The following JAZF1 variants were observed in gnomAD, a reference collection of about 807,000 sequenced individuals.
JAZF1 encodes the protein juxtaposed with another zinc finger protein 1.
Under a neutral mutation model 26.4 loss-of-function variants are expected in JAZF1, and 8 were observed. That is an observed-to-expected ratio of 0.30 (90% CI 0.18 to 0.55). The LOEUF (loss-of-function observed/expected upper bound fraction) is 0.55, where lower values mean the gene tolerates loss of function less well. JAZF1 is among the 20% of genes least tolerant of loss of function. JAZF1 has a pLI of 0.94. For synonymous variants in JAZF1, 126 were observed against 122.3 expected, an observed-to-expected ratio of 1.03 and a Z score of -0.20; for missense variants, 199 against 322.0, an observed-to-expected ratio of 0.62 and a Z score of 2.92.
chr7:28,072,119 A>C (rs983064722), intron 1 of JAZF1, among the ~76,000 whole-genome samples: 3 of 152,240 alleles, frequency 2.0e-5, no homozygotes, highest in African/African-American at 7.2e-5. Flanking sequence ...GCTTGCATAA[A>C]TTGGATCTCA....
intron 1 of JAZF1, among the ~76,000 whole-genome samples, chr7:28,170,337 ATGTGTGTGTGTGTGTGTGTGTGTGTG>A (rs61200785): frequency 0.019 from 1,913 of 98,550 alleles, 20 homozygotes; most frequent in Non-Finnish European, 0.029. Flanking sequence ...AGAAGTTGAT[ATGTGTGTGTGTGTGTGTGTGTGTGTG>A]TGTGTGTGTG....
At chr7:27,841,041 AAGCAGG>A in intron 3 of JAZF1, 174 bp from the exon 4 acceptor site, 1 of 610,316 alleles carries the variant, frequency 1.6e-6, no homozygotes, top group South Asian at 2.1e-5. Context: ...ACAACCCTGG[AAGCAGG>A]AGCCCTGCGT....
chr7:28,003,626 A>G (rs1782643879), intron 1 of JAZF1, among the ~76,000 whole-genome samples: 1 of 152,228 alleles, frequency 6.6e-6, no homozygotes, highest in Non-Finnish European at 1.5e-5. Flanking sequence ...AGTGGGGCTC[A>G]GTCTGAATAT....
intron 1 of JAZF1, among the ~76,000 whole-genome samples, chr7:28,035,798 C>G (rs1168827034): frequency 6.6e-6 from 1 of 152,134 alleles, no homozygotes; most frequent in Non-Finnish European, 1.5e-5. Flanking sequence ...AAGCTTTCAA[C>G]CATTGTCCTG....
chr7:27,873,182 C>T (rs929901530), intron 3 of JAZF1, among the ~76,000 whole-genome samples: 6 of 152,130 alleles, frequency 3.9e-5, no homozygotes, highest in South Asian at 4.1e-4. Context: ...AATCTATTTC[C>T]GACAAGGTCT....
chr7:27,959,363 T>C (rs1240674903), intron 2 of JAZF1, among the ~76,000 whole-genome samples: 1 of 152,238 alleles, frequency 6.6e-6, no homozygotes, highest in Non-Finnish European at 1.5e-5. Context: ...TTTTCCTCCA[T>C]GAAACTTCTC....
rs370936355 is a variant in JAZF1, at chr7:28,143,833, C to G, written c.115+36630G>C. Reference sequence around the variant, plus strand: ...TTACATATAAGCTCCTCCTTATATACCGTAAGCCAGGTCATGTTTATTATT... The same window carrying G: ...TTACATATAAGCTCCTCCTTATATAGCGTAAGCCAGGTCATGTTTATTATT... On this transcript the variant is annotated intron_variant, in intron 1 of 4. Transcript: ENST00000283928. 7.2e-5 allele frequency among the ~76,000 whole-genome samples: 11 copies of G among 152,308 alleles called. No individual in the cohort carries two copies. The East Asian group carries it at 1.5e-3, about 21-fold the overall frequency.
rs375075659 is a variant in JAZF1 at position 28,016,276 on chromosome 7, T to C, written c.116-24295A>G. Among the ~76,000 whole-genome samples, 23 of 152,240 alleles carry C rather than the reference T, an allele frequency of 1.5e-4. No homozygotes were observed. The East Asian group carries it at 3.5e-3, about 23-fold the overall frequency. On this transcript the variant is annotated intron_variant, in intron 1 of 4. Transcript: ENST00000283928. ...TGATGCATCAAGTCACTTACTTACC[T>C]CTTTCTTTTCCAACCTCTGAAGGAG...
At chr7:27,994,308 G>C (rs1785967780) in intron 1 of JAZF1, among the ~76,000 whole-genome samples, 1 of 152,010 alleles carries the variant, frequency 6.6e-6, no homozygotes, top group Admixed American at 6.6e-5. Context: ...TGCAAAGCAA[G>C]GTTTTAAAGT....
intron 2 of JAZF1, among the ~76,000 whole-genome samples, chr7:27,902,662 C>G (rs1784184757): frequency 6.6e-6 from 1 of 152,172 alleles, no homozygotes; most frequent in African/African-American, 2.4e-5. Flanking sequence ...ATTCATAAAG[C>G]ACTTAGAACA....
chr7:27,849,171 C>T (rs761643536), intron 3 of JAZF1, among the ~76,000 whole-genome samples: 11 of 152,188 alleles, frequency 7.2e-5, no homozygotes, highest in Non-Finnish European at 1.6e-4. Flanking sequence ...CAAAGCAAGG[C>T]CCTGGAGACG....
chr7:28,116,987 C>G (rs4722758), intron 1 of JAZF1, among the ~76,000 whole-genome samples: 47,447 of 151,860 alleles, frequency 0.31, 8,918 homozygotes, highest in East Asian at 0.74. Flanking sequence ...CCACACCCAG[C>G]TAATTTTTGC....
chr7:28,104,290 C>A (rs1479328920), intron 1 of JAZF1, among the ~76,000 whole-genome samples: 1 of 152,154 alleles, frequency 6.6e-6, no homozygotes, highest in African/African-American at 2.4e-5. Flanking sequence ...ACTTTTGTTT[C>A]ACTCACTTCA....
chr7:27,928,202 A>G (rs1784629544), intron 2 of JAZF1, among the ~76,000 whole-genome samples: 1 of 152,218 alleles, frequency 6.6e-6, no homozygotes, highest in Non-Finnish European at 1.5e-5. Context: ...GTTAGGCAAT[A>G]GTCTTTGGCC....
intron 1 of JAZF1, among the ~76,000 whole-genome samples, chr7:28,170,941 TG>T (rs1306049165): frequency 6.6e-6 from 1 of 152,188 alleles, no homozygotes; most frequent in African/African-American, 2.4e-5. Context: ...GGACTAACAC[TG>T]CATAATGCAT....
At chr7:27,862,739 T>C (rs1371051516) in intron 3 of JAZF1, among the ~76,000 whole-genome samples, 1 of 152,254 alleles carries the variant, frequency 6.6e-6, no homozygotes, top group Non-Finnish European at 1.5e-5. Flanking sequence ...CTGTTGCTGC[T>C]GCCTCACCTC....
At chr7:27,993,851 A>C (rs1785956779) in intron 1 of JAZF1, among the ~76,000 whole-genome samples, 1 of 152,168 alleles carries the variant, frequency 6.6e-6, no homozygotes, top group African/African-American at 2.4e-5. Flanking sequence ...TGATTTAATA[A>C]GGTGTATTAT....
At chr7:27,940,689 G>T (rs6972944) in intron 2 of JAZF1, among the ~76,000 whole-genome samples, 1 of 152,156 alleles carries the variant, frequency 6.6e-6, no homozygotes, top group Non-Finnish European at 1.5e-5. Context: ...TTGGGTCTCC[G>T]ATCAGAAGGG....
intron 1 of JAZF1, among the ~76,000 whole-genome samples, chr7:27,995,544 C>T (rs1439875084): frequency 1.3e-5 from 2 of 152,140 alleles, no homozygotes; most frequent in South Asian, 2.1e-4. Context: ...TGCATACTCA[C>T]AGATTTCAGG....
Sources: gnomAD v4.1 joint callset for allele counts (sites outside exome capture counted in the v4.1 genomes callset) on GRCh38, gnomAD v4.1.1 for gene constraint, MANE v1.5 for transcripts, NCBI Gene and HGNC (gene_info 2026-07-23, HGNC 2026-07-21) for gene names.